Variants in MTCL2 observed in about 807,000 individuals in gnomAD.
MTCL2 encodes the protein microtubule crosslinking factor 2.
chr20:36,826,681 T>TTC, the MTCL2 span, among the ~76,000 whole-genome samples: 1 of 151,900 alleles, frequency 6.6e-6, no homozygotes, highest in Non-Finnish European at 1.5e-5. Flanking sequence ...CCCAGCCTCA[T>TTC]TCCTTCTTAA....
chr20:36,823,017 C>T, the MTCL2 span, among the ~76,000 whole-genome samples: 1 of 152,206 alleles, frequency 6.6e-6, no homozygotes, highest in Non-Finnish European at 1.5e-5. Context: ...CCTTGACCTC[C>T]CAAAGTGTTG....
chr20:36,785,619 A>T, the MTCL2 span: 5 of 985,092 alleles, frequency 5.1e-6, no homozygotes, highest in African/African-American at 8.7e-5. Context: ...GTGCCAGGGA[A>T]AGAGGCCTCT....
chr20:36,829,479 C>A, the MTCL2 span, among the ~76,000 whole-genome samples: 4 of 151,496 alleles, frequency 2.6e-5, no homozygotes, highest in Admixed American at 2.6e-4. Flanking sequence ...TGGGAAGACC[C>A]TGTTCTCAGG....
the MTCL2 span, among the ~76,000 whole-genome samples, chr20:36,850,028 G>A: frequency 6.6e-6 from 1 of 152,148 alleles, no homozygotes; most frequent in Non-Finnish European, 1.5e-5. Flanking sequence ...GAGACTTCCA[G>A]AGCGGAAGTC....
At chr20:36,818,260 A>C in the MTCL2 span, among the ~76,000 whole-genome samples, 16 of 152,344 alleles carry the variant, frequency 1.1e-4, no homozygotes, top group African/African-American at 3.8e-4. Flanking sequence ...TGTAATTCAG[A>C]ATGAATACTA....
chr20:36,815,615 G>T, the MTCL2 span: 1 of 1,599,018 alleles, frequency 6.3e-7, no homozygotes. The surrounding 1 kb of genome is among the most constrained non-coding windows in gnomAD (Gnocchi z 5.3). Flanking sequence ...GCGTACTCTG[G>T]CAGGAGGCGA....
At chr20:36,794,541 G>A in the MTCL2 span, 4 of 1,614,074 alleles carry the variant, frequency 2.5e-6, no homozygotes, top group Admixed American at 3.3e-5. This position sits in a 1 kb window ranked among gnomAD's most constrained non-coding sequence, Gnocchi z 5.4. Flanking sequence ...CCGCCAGCAA[G>A]GTAAGGGGAA....
chr20:36,823,081 T>G, the MTCL2 span, among the ~76,000 whole-genome samples: 1 of 152,176 alleles, frequency 6.6e-6, no homozygotes, highest in African/African-American at 2.4e-5. Context: ...TAGAAGGAAC[T>G]TGGGGTTGGG....
At chr20:36,837,606 C>T in the MTCL2 span, among the ~76,000 whole-genome samples, 1 of 150,936 alleles carries the variant, frequency 6.6e-6, no homozygotes. Context: ...GAGACGGAGT[C>T]TCACTCTGTC....
the MTCL2 span, among the ~76,000 whole-genome samples, chr20:36,853,266 C>T: frequency 3.3e-5 from 5 of 152,118 alleles, no homozygotes; most frequent in Non-Finnish European, 5.9e-5. Flanking sequence ...GCTCCCTGTG[C>T]ACCCCTGATC....
the MTCL2 span, chr20:36,829,096 C>T: frequency 1.9e-6 from 3 of 1,561,798 alleles, no homozygotes; most frequent in African/African-American, 1.4e-5. Context: ...CCTGCTTAGC[C>T]AGCTCAGTCT....
At chr20:36,817,383 C>A in the MTCL2 span, 2 of 1,561,230 alleles carry the variant, frequency 1.3e-6, no homozygotes, top group East Asian at 2.4e-5. Flanking sequence ...ATAAAACCTT[C>A]CTACGGGGGC....
chr20:36,786,488 C>T, the MTCL2 span: 1 of 1,537,936 alleles, frequency 6.5e-7, no homozygotes, highest in South Asian at 1.2e-5. Flanking sequence ...TGCTCTGTCA[C>T]TCGCTGGGGG....
chr20:36,818,601 A>G, the MTCL2 span, among the ~76,000 whole-genome samples: 1 of 152,190 alleles, frequency 6.6e-6, no homozygotes, highest in Non-Finnish European at 1.5e-5. Context: ...GGAGTTTGAG[A>G]CTAGCCTAGG....
the MTCL2 span, among the ~76,000 whole-genome samples, chr20:36,856,641 C>G: frequency 6.6e-6 from 1 of 152,216 alleles, no homozygotes; most frequent in Non-Finnish European, 1.5e-5. Context: ...CCCCCATCCA[C>G]CCACCACCCA....
At chr20:36,863,357 C>T in the MTCL2 span, 9 of 1,165,792 alleles carry the variant, frequency 7.7e-6, no homozygotes, top group Admixed American at 3.3e-4. This position sits in a 1 kb window ranked among gnomAD's most constrained non-coding sequence, Gnocchi z 6.2. Context: ...CGGCCTCCCT[C>T]GGCCTCAGCG....
chr20:36,808,790 C>T, the MTCL2 span: 1 of 1,503,390 alleles, frequency 6.7e-7, no homozygotes, highest in East Asian at 2.5e-5. Context: ...CTGTCCTCTC[C>T]CCCACCCCTT....
chr20:36,821,633 G>T, the MTCL2 span, among the ~76,000 whole-genome samples: 1 of 152,098 alleles, frequency 6.6e-6, no homozygotes, highest in South Asian at 2.1e-4. Context: ...TGGGAGAATT[G>T]CTTGAGCCCG....
the MTCL2 span, among the ~76,000 whole-genome samples, chr20:36,862,476 A>G: frequency 6.6e-6 from 1 of 152,062 alleles, no homozygotes; most frequent in Non-Finnish European, 1.5e-5. Context: ...TTCCCAAATA[A>G]AGTTGAGAGG....
Sources: allele counts gnomAD v4.1 joint callset (sites outside exome capture counted in the v4.1 genomes callset), GRCh38; gene constraint gnomAD v4.1.1; non-coding constraint Gnocchi (gnomAD v3.1); transcripts MANE v1.5; gene names NCBI Gene and HGNC (gene_info 2026-07-23, HGNC 2026-07-21).